The following CAPS2 variants were observed in gnomAD, a reference collection of about 807,000 sequenced individuals.
CAPS2 encodes calcyphosine 2, also known as calcyphosin-2.
CAPS2 carries 98 observed loss-of-function variants against 86.5 expected under a neutral mutation model. That is an observed-to-expected ratio of 1.13 (90% CI 0.96 to 1.34). The LOEUF (loss-of-function observed/expected upper bound fraction) is 1.34, where lower values mean the gene tolerates loss of function less well. Ranked by LOEUF, CAPS2 falls within the 40% of genes most tolerant of loss-of-function variation. The probability of loss-of-function intolerance (pLI) is 0.00; values close to 1 mark genes in which losing one functional copy is unlikely to be tolerated. For missense variants in CAPS2, 729 were observed against 686.8 expected (o/e 1.06, Z -0.69); for synonymous variants, 210 against 225.1 (o/e 0.93, Z 0.60).
chr12:75,362,923 A>G (rs926222303), intron 1 of CAPS2, among the ~76,000 whole-genome samples: 1 of 152,176 alleles, frequency 6.6e-6, no homozygotes, highest in Admixed American at 6.5e-5. Context: ...TTCATCCTGT[A>G]AGGAATTGTT....
intron 1 of CAPS2, among the ~76,000 whole-genome samples, chr12:75,355,447 C>T (rs2043091706): frequency 6.6e-6 from 1 of 152,040 alleles, no homozygotes; most frequent in Non-Finnish European, 1.5e-5. Flanking sequence ...GTCAGAATGG[C>T]AATTATTAAA....
chr12:75,298,335 AG>A (rs1231164093), intron 11 of CAPS2: 2 of 204,208 alleles, frequency 9.8e-6, no homozygotes, highest in Admixed American at 1.1e-4. Flanking sequence ...CCATCCTCGG[AG>A]GATAAACCTA....
At chr12:75,301,729 A>G (rs1034782348) in intron 8 of CAPS2, among the ~76,000 whole-genome samples, 7 of 152,208 alleles carry the variant, frequency 4.6e-5, no homozygotes, top group Non-Finnish European at 7.3e-5. Context: ...TCAATAGTAA[A>G]CAGAACTCAC....
intron 5 of CAPS2, among the ~76,000 whole-genome samples, chr12:75,318,651 T>C (rs190041214): frequency 1.8e-3 from 279 of 152,268 alleles, no homozygotes; most frequent in Non-Finnish European, 2.8e-3. Context: ...TGTGATCCTA[T>C]ACAAGCTGCT....
intron 7 of CAPS2, among the ~76,000 whole-genome samples, chr12:75,311,227 C>G (rs1004235656): frequency 6.6e-6 from 1 of 152,078 alleles, no homozygotes; most frequent in Admixed American, 6.6e-5. Context: ...TAAGCAGTCC[C>G]TGAAATAATC....
At chr12:75,320,390 C>A (rs550395772) in intron 5 of CAPS2, among the ~76,000 whole-genome samples, 67 of 152,206 alleles carry the variant, frequency 4.4e-4, no homozygotes, top group African/African-American at 1.6e-3. Flanking sequence ...GTATATCCTG[C>A]AAACAATACA....
intron 14 of CAPS2, among the ~76,000 whole-genome samples, chr12:75,285,503 A>G (rs931720204): frequency 4.6e-5 from 7 of 151,908 alleles, no homozygotes; most frequent in African/African-American, 1.7e-4. Flanking sequence ...TGAAATATAC[A>G]TTATTATAAA....
intron 1 of CAPS2, among the ~76,000 whole-genome samples, chr12:75,374,816 A>G (rs1184667419): frequency 6.6e-6 from 1 of 152,222 alleles, no homozygotes; most frequent in Admixed American, 6.5e-5. Context: ...TCTGCATACC[A>G]GGTACCAGGA....
chr12:75,323,228 A>G lies in CAPS2; in HGVS notation c.132-6T>C. The G allele has an allele frequency of 6.5e-7, 1 of 1,542,280 alleles. No homozygotes were observed. The highest frequency in any genetic ancestry group is 8.8e-7 in the Non-Finnish European group (1 of 1,142,548). On this transcript the variant is annotated splice_region_variant and splice_polypyrimidine_tract_variant and intron_variant, in intron 2 of 16. Coordinates refer to ENST00000393284, the Ensembl canonical transcript of CAPS2. ...CCAAATCAAGTCGTGGGACCCTGAA[A>G]GACATAATCTATGTATCCCGTAACT...
chr12:75,325,627 TTTTG>T (rs989454101), intron 1 of CAPS2, among the ~76,000 whole-genome samples: 47 of 152,260 alleles, frequency 3.1e-4, no homozygotes, highest in Admixed American at 4.6e-4. Context: ...TTGTTTGTTT[TTTTG>T]TTTGTTTGTT....
chr12:75,276,202 G>A (rs746412154), downstream of CAPS2: 45 of 1,536,886 alleles, frequency 2.9e-5, no homozygotes, highest in South Asian at 7.3e-5. Flanking sequence ...TGTTTTAAGC[G>A]CTTTCTTTTT....
Position 75,317,660 on chromosome 12 carries a change from G to GC in CAPS2, c.469-1227_469-1226insG, listed in dbSNP as rs1163453198. On this transcript the variant is annotated intron_variant, in intron 5 of 16. Transcript: ENST00000393284. ...TTAGGCCAAAAGCCTTAGATCCATT[G>GC]TTTTTTTATGTTAAAATATTTAACT... is the stretch of plus-strand genomic sequence containing the variant. Among the ~76,000 whole-genome samples the GC allele has an allele frequency of 2.0e-5, 3 of 152,064 alleles. No individual in the cohort carries two copies. The South Asian group carries it at 6.2e-4, about 32-fold the overall frequency.
intron 1 of CAPS2, among the ~76,000 whole-genome samples, chr12:75,389,292 T>C (rs1253223829): frequency 1.3e-5 from 2 of 152,238 alleles, no homozygotes; most frequent in Non-Finnish European, 2.9e-5. Context: ...ACTCCATGTC[T>C]AGCTTGTTCA....
intron 1 of CAPS2, among the ~76,000 whole-genome samples, chr12:75,386,772 G>A (rs1395488343): frequency 5.9e-5 from 9 of 151,892 alleles, no homozygotes; most frequent in Non-Finnish European, 7.4e-5. Context: ...AAAGTCAACT[G>A]ATCTTTGACA....
chr12:75,323,853 C>T (rs1447712158), intron 2 of CAPS2, among the ~76,000 whole-genome samples: 2 of 152,212 alleles, frequency 1.3e-5, no homozygotes, highest in Non-Finnish European at 2.9e-5. Context: ...CTATGTTTAT[C>T]CCGTCTCTAT....
chr12:75,324,357 T>G (rs533779143), intron 2 of CAPS2, among the ~76,000 whole-genome samples: 2 of 152,320 alleles, frequency 1.3e-5, no homozygotes, highest in South Asian at 4.1e-4. Flanking sequence ...TATTTGTAAA[T>G]TGATTGCTAC....
chr12:75,311,698 AG>A (rs200096266), intron 7 of CAPS2, among the ~76,000 whole-genome samples: 33,450 of 78,754 alleles, frequency 0.42, 7,126 homozygotes, highest in East Asian at 0.52. Flanking sequence ...GAAGCCATGC[AG>A]GAAAAAAAAA....
intron 8 of CAPS2, among the ~76,000 whole-genome samples, chr12:75,300,847 C>T (rs1044282866): frequency 3.3e-5 from 5 of 152,090 alleles, no homozygotes; most frequent in African/African-American, 1.2e-4. Context: ...CCAGTAAATG[C>T]CTACCTCCAA....
At chr12:75,291,498 T>C (rs1390664309) in intron 13 of CAPS2, among the ~76,000 whole-genome samples, 1 of 108,410 alleles carries the variant, frequency 9.2e-6, no homozygotes, top group East Asian at 2.7e-4. Context: ...TATATATATA[T>C]ATATATATAT....
Sources: gnomAD v4.1 joint callset for allele counts (sites outside exome capture counted in the v4.1 genomes callset) on GRCh38, gnomAD v4.1.1 for gene constraint, MANE v1.5 for transcripts, NCBI Gene and HGNC (gene_info 2026-07-23, HGNC 2026-07-21) for gene names.